The following RIPK4 variants were observed in gnomAD, a reference collection of about 807,000 sequenced individuals.
RIPK4 encodes receptor interacting serine/threonine kinase 4.
A neutral mutation model predicts 42.9 loss-of-function variants in RIPK4; 17 were observed. The observed-to-expected ratio is 0.40, with a 90% CI of 0.27 to 0.59. RIPK4 has a LOEUF of 0.59. Ranked by LOEUF, RIPK4 falls within the 20% of genes least tolerant of loss-of-function variation. The pLI is 0.47. For synonymous variants in RIPK4, 498 were observed against 499.1 expected (o/e 1.00, Z 0.03); for missense variants, 897 against 1,104.4 (o/e 0.81, Z 2.66).
Position 41,740,658 on chromosome 21 carries a change from T to G in RIPK4, c.*180A>C. 1.6e-6 allele frequency: 1 copy of G among 626,544 alleles called. No individual in the cohort carries two copies. Among genetic ancestry groups the G allele is most frequent in the Non-Finnish European group, 2.7e-6 (1 of 368,884 alleles). The allele number at this position is 626,544 out of a possible 1,614,324, so 38.8% of individuals were successfully genotyped here. On this transcript the variant is annotated 3_prime_UTR_variant, in exon 8 of 8. Transcript: ENST00000332512. Reference sequence around the variant, plus strand: ...GCGGGCATGTGCACCTGAGCCAGCTTCACCTGGAGGGGACACTCCGGTCAG... The same window carrying G: ...GCGGGCATGTGCACCTGAGCCAGCTGCACCTGGAGGGGACACTCCGGTCAG...
intron 1 of RIPK4, among the ~76,000 whole-genome samples, chr21:41,763,307 G>A (rs934228962): frequency 2.0e-5 from 3 of 151,334 alleles, no homozygotes; most frequent in Non-Finnish European, 3.0e-5. Context: ...CGAGAAATAC[G>A]AGAAATATCA....
Position 41,745,790 on chromosome 21 carries a change from TC to T in RIPK4, c.904del (p.Asp302ThrfsTer2). The T allele has an allele frequency of 1.2e-6, 2 of 1,614,082 alleles. No homozygotes were observed. The highest frequency in any genetic ancestry group is 1.7e-6 in the Non-Finnish European group (2 of 1,179,976). ...CCTGGGCTCCGGGGGGCTTTTCACGTCCAGATCATGAGCAGTTTCTTTCACT... is the reference window on the plus strand; with the variant it reads ...CCTGGGCTCCGGGGGGCTTTTCACGTCAGATCATGAGCAGTTTCTTTCACT... ...DEVKETAHDL[D>X]VKSPPEPRSE... On this transcript the variant is annotated frameshift_variant, in exon 6 of 8. Transcript: ENST00000332512. LOFTEE classifies it high-confidence loss of function.
In RIPK4 at chr21:41,751,374, G is replaced by T. The variant is rs1391979527; in HGVS notation, c.475-129C>A. 1 of 1,247,316 alleles carries T rather than the reference G, an allele frequency of 8.0e-7. No individual in the cohort carries two copies. Among genetic ancestry groups the T allele is most frequent in the Non-Finnish European group, 1.1e-6 (1 of 913,306 alleles). 77.3% of individuals were successfully genotyped at this position (1,247,316 alleles called of 1,614,324 possible). A position where few individuals can be genotyped will look rare whatever the true frequency, so the allele number is the denominator to read the frequency against. On this transcript the variant is annotated intron_variant, in intron 2 of 7. Transcript: ENST00000332512. This position sits in a 1 kb window ranked among gnomAD's most constrained non-coding sequence, Gnocchi z 4.5. ...CTTTCCAGGAGCCCCTAAGAGCCGT[G>T]TCTGTGCCTCTCCAGGTAGCCCTGC...
intron 1 of RIPK4, among the ~76,000 whole-genome samples, chr21:41,766,517 C>G (rs999124858): frequency 1.3e-5 from 2 of 152,182 alleles, no homozygotes; most frequent in African/African-American, 4.8e-5. Flanking sequence ...CCCCGAAAAC[C>G]AGGGCCACTC....
intron 7 of RIPK4, among the ~76,000 whole-genome samples, chr21:41,743,234 C>T (rs1401452953): frequency 6.6e-6 from 1 of 152,186 alleles, no homozygotes; most frequent in Non-Finnish European, 1.5e-5. Context: ...CTTACCCCTG[C>T]AGCCGGCAGA....
chr21:41,746,194 C>A lies in RIPK4; in HGVS notation c.833-332G>T, dbSNP rs775253053. 9.6e-6 allele frequency: 6 copies of A among 622,638 alleles called. No individual in the cohort carries two copies. In the African/African-American group the frequency reaches 1.1e-4, roughly 11 times the overall value. The allele number at this position is 622,638 out of a possible 1,614,324, so 38.6% of individuals were successfully genotyped here. ...TTCCTGCCGTAAGCTTTAAATGCAG[C>A]AGTTTCCATCTCATCAGGGTGACTT... On this transcript the variant is annotated intron_variant, in intron 5 of 7. Transcript: ENST00000332512.
At chr21:41,744,238 G>A (rs2061163665) in intron 6 of RIPK4, 98 bp from the exon 7 acceptor site, 3 of 1,164,842 alleles carry the variant, frequency 2.6e-6, no homozygotes, top group Non-Finnish European at 3.5e-6. Context: ...GGCCACGGGA[G>A]GGAGATGGGG....
rs371208443 is a variant in RIPK4 at position 41,743,922 on chromosome 21, T to C, written c.1155A>G (p.Gly385=). 6 of 1,611,690 alleles carry C rather than the reference T, an allele frequency of 3.7e-6. No homozygotes were observed. In the African/African-American group the frequency reaches 6.7e-5, roughly 18 times the overall value. ...SSVDSAFSSR[G]SLSLSFEREP... is the part of the protein sequence containing the mutation. ...CCCGCTCAAAGGACAGCGACAGTGA[T>C]CCTCTGGAAGAGAAGGCGGAGTCCA... Residue 385 remains glycine, a synonymous_variant, in exon 7 of 8, where the codon GGA becomes GGG. Coordinates refer to ENST00000332512, the MANE Select transcript of RIPK4 (RefSeq NM_020639.3).
rs748588627 is a variant in RIPK4, at chr21:41,767,022, G to A, written c.20C>T (p.Thr7Ile). MEGDGG[T>I]PWALALLRTF... is the part of the protein sequence containing the mutation. ...GCGCAGCAGCGCCAGGGCCCATGGG[G>A]TCCCGCCGTCGCCCTCCATCGCGCA... is the stretch of plus-strand genomic sequence containing the variant. The change falls in exon 1 of 8, where the codon ACC becomes ATC. Residue 7 changes from threonine to isoleucine, a missense_variant. Transcript: ENST00000332512. This position sits in a 1 kb window ranked among gnomAD's most constrained non-coding sequence, Gnocchi z 4.0. 1.3e-6 allele frequency: 2 copies of A among 1,581,728 alleles called. No homozygotes were observed. The highest frequency in any genetic ancestry group is 2.3e-5 in the South Asian group (2 of 87,848).
At position 41,741,941 on chromosome 21, in the gene RIPK4, C is replaced by A; in HGVS notation, c.1252G>T (p.Asp418Tyr). 6.2e-7 allele frequency: 1 copy of A among 1,610,390 alleles called. No homozygotes were observed. Among genetic ancestry groups the A allele is most frequent in the Non-Finnish European group, 8.5e-7 (1 of 1,177,666 alleles). ...AGGATCTTCATCAGTTTGCTGGTGT[C>A]CCCGGACACGATGGCATCCACAAGC... ...KKLVDAIVSG[D>Y]TSKLMKILQP... is the part of the protein sequence containing the mutation. Residue 418 changes from aspartate to tyrosine, a missense_variant, in exon 8 of 8, where the codon GAC becomes TAC. Coordinates refer to ENST00000332512, the MANE Select transcript of RIPK4 (RefSeq NM_020639.3).
chr21:41,753,811 G>C (rs993537496), intron 2 of RIPK4, among the ~76,000 whole-genome samples: 1 of 152,180 alleles, frequency 6.6e-6, no homozygotes, highest in African/African-American at 2.4e-5. Flanking sequence ...TGACCCGCGT[G>C]TGACCCTTTG....
At chr21:41,765,605 A>C (rs4919944) in intron 1 of RIPK4, among the ~76,000 whole-genome samples, 109,983 of 152,204 alleles carry the variant, frequency 0.72, 40,106 homozygotes, top group African/African-American at 0.83. Context: ...CCCCAGACAC[A>C]GGCATCACAA....
At position 41,758,041 on chromosome 21, in the gene RIPK4, T is replaced by TAGAG. The variant is rs71188681; in HGVS notation, c.183-1229_183-1226dup. ...AAAAAAATATATATATATATATATA[T>TAGAG]AGAGAGAGAGAGAGAGAGAGAGAGA... On this transcript the variant is annotated intron_variant, in intron 1 of 7. Coordinates refer to ENST00000332512, the MANE Select transcript of RIPK4 (RefSeq NM_020639.3). Among the ~76,000 whole-genome samples, 369 of 58,414 alleles carry TAGAG rather than the reference T, an allele frequency of 6.3e-3. 7 individuals are homozygous for TAGAG. The highest frequency in any genetic ancestry group is 0.011 in the Middle Eastern group (1 of 90). 38.3% of individuals were successfully genotyped at this position (58,414 alleles called of 152,430 possible).
At position 41,743,898 on chromosome 21, in the gene RIPK4, C is replaced by A; in HGVS notation, c.1179G>T (p.Arg393=). Residue 393 remains arginine, a synonymous_variant, in exon 7 of 8, where the codon CGG becomes CGT. Transcript: ENST00000332512. ...CCCACTCACCGCTGGTTGAAGGTTCCCGCTCAAAGGACAGCGACAGTGATC... is the reference window on the plus strand; with the variant it reads ...CCCACTCACCGCTGGTTGAAGGTTCACGCTCAAAGGACAGCGACAGTGATC... ...SRGSLSLSFE[R]EPSTSDLGTT... is the part of the protein sequence containing the mutation. 6.2e-7 allele frequency: 1 copy of A among 1,604,484 alleles called. No homozygotes were observed. The highest frequency in any genetic ancestry group is 8.5e-7 in the Non-Finnish European group (1 of 1,174,654).
rs749478121 is a variant in RIPK4, at chr21:41,767,014, C to T, written c.28G>A (p.Ala10Thr). ...TCGAAGGTGCGCAGCAGCGCCAGGG[C>T]CCATGGGGTCCCGCCGTCGCCCTCC... MEGDGGTPW[A>T]LALLRTFDAG... Residue 10 changes from alanine to threonine, a missense_variant, in exon 1 of 8, where the codon GCC (alanine) becomes ACC (threonine). Physicochemically the swap from Ala to Thr is moderately conservative, Grantham distance 58. Coordinates refer to ENST00000332512, the MANE Select transcript of RIPK4 (RefSeq NM_020639.3). This position sits in a 1 kb window ranked among gnomAD's most constrained non-coding sequence, Gnocchi z 4.0. 18 of 1,587,422 alleles carry T rather than the reference C, an allele frequency of 1.1e-5. No homozygotes were observed. In the South Asian group the frequency reaches 1.4e-4, roughly 12 times the overall value.
chr21:41,756,524 C>T lies in RIPK4; in HGVS notation c.474+1G>A, dbSNP rs754583911. Reference sequence around the variant, plus strand: ...CTCTCGGGCACCGTGCGGCCCCCCACCTTGACGTGGTAGTGGGCATCCAGC... The same window carrying T: ...CTCTCGGGCACCGTGCGGCCCCCCATCTTGACGTGGTAGTGGGCATCCAGC... On this transcript the variant is annotated splice_donor_variant, in intron 2 of 7. Coordinates refer to ENST00000332512, the MANE Select transcript of RIPK4 (RefSeq NM_020639.3). LOFTEE classifies it high-confidence loss of function. The T allele has an allele frequency of 6.2e-7, 1 of 1,611,422 alleles. No individual in the cohort carries two copies. The highest frequency in any genetic ancestry group is 8.5e-7 in the Non-Finnish European group (1 of 1,178,790).
rs770900342 is a variant in RIPK4 at position 41,746,788 on chromosome 21, G to A, written c.674-17C>T. On this transcript the variant is annotated splice_polypyrimidine_tract_variant and intron_variant, in intron 4 of 7. Transcript: ENST00000332512. The stretch of plus-strand genomic sequence containing the variant: ...TCTTCTCATCTGCCAAGGGAAGGAT[G>A]CGAGTCAGGGGCTCTGCAGGGCTGG... 4.2e-5 allele frequency: 66 copies of A among 1,567,772 alleles called. No individual in the cohort carries two copies. The highest frequency in any genetic ancestry group is 1.5e-4 in the African/African-American group (11 of 74,276).
At chr21:41,746,960 C>T (rs1345003926) in intron 4 of RIPK4, 189 bp from the exon 5 acceptor site, 7 of 616,354 alleles carry the variant, frequency 1.1e-5, no homozygotes, top group African/African-American at 1.9e-5. Flanking sequence ...GTGCGCCATG[C>T]TCTCTAGTTT....
chr21:41,751,859 AAC>A lies in RIPK4; in HGVS notation c.475-616_475-615del, dbSNP rs2061189570. ...CAGCAGACACTGGCTGGCTGCTTCA[AAC>A]ACATGTGTTCGAGTGAAGGTCTGAT... On this transcript the variant is annotated intron_variant, in intron 2 of 7. Coordinates refer to ENST00000332512, the MANE Select transcript of RIPK4 (RefSeq NM_020639.3). This position sits in a 1 kb window ranked among gnomAD's most constrained non-coding sequence, Gnocchi z 4.5. Among the ~76,000 whole-genome samples, 1 of 152,190 alleles carries A rather than the reference AAC, an allele frequency of 6.6e-6. No homozygotes were observed. The highest frequency in any genetic ancestry group is 6.5e-5 in the Admixed American group (1 of 15,282).
Sources: gnomAD v4.1 joint callset for allele counts (sites outside exome capture counted in the v4.1 genomes callset) on GRCh38, gnomAD v4.1.1 for gene constraint, Gnocchi (gnomAD v3.1) non-coding constraint, MANE v1.5 for transcripts, NCBI Gene and HGNC (gene_info 2026-07-23, HGNC 2026-07-21) for gene names.